Variants in DOCK8 observed in about 807,000 individuals in gnomAD.
The protein encoded by DOCK8 is dedicator of cytokinesis protein 8.
Under a neutral mutation model 245.6 loss-of-function variants are expected in DOCK8, and 141 were observed. That is an observed-to-expected ratio of 0.57 (90% CI 0.50 to 0.66). DOCK8 has a LOEUF of 0.66. Ranked by LOEUF, DOCK8 falls within the 30% of genes least tolerant of loss-of-function variation. The pLI is 0.00. For missense variants in DOCK8, 2,965 were observed against 2,603.4 expected, an observed-to-expected ratio of 1.14 and a Z score of -3.02; for synonymous variants, 1,168 against 970.2, an observed-to-expected ratio of 1.20 and a Z score of -3.79.
intron 38 of DOCK8, 21 bp downstream of exon 38, chr9:433,996 C>A: frequency 6.5e-7 from 1 of 1,546,266 alleles, no homozygotes; most frequent in Non-Finnish European, 8.9e-7. Flanking sequence ...CTGACACACT[C>A]AAGGGACACC....
At chr9:292,291 T>G (rs572144290) in intron 4 of DOCK8, among the ~76,000 whole-genome samples, 9 of 141,966 alleles carry the variant, frequency 6.3e-5, no homozygotes, top group African/African-American at 2.4e-4. Context: ...AATCACTTGA[T>G]CCTCTAAAAA....
intron 30 of DOCK8, 114 bp from the exon 31 acceptor site, chr9:420,287 A>T (rs2056220433): frequency 8.9e-7 from 1 of 1,120,208 alleles, no homozygotes; most frequent in Non-Finnish European, 1.3e-6. Flanking sequence ...ATGTACAGTC[A>T]TGGTATTTTA....
intron 1 of DOCK8, among the ~76,000 whole-genome samples, chr9:218,782 C>T (rs1019751344): frequency 3.9e-5 from 6 of 152,002 alleles, no homozygotes; most frequent in African/African-American, 1.5e-4. Context: ...AAACATTAAC[C>T]CTCTTGTGGA....
Position 274,601 on chromosome 9 carries a change from C to T in DOCK8, c.156+2872C>T, listed in dbSNP as rs1321964293. ...GTGGCTGTTCTTCCCCTTGAGTCATCGTCCCGAATGAAGGTTCCCCAAAAG... is the reference window on the plus strand; with the variant it reads ...GTGGCTGTTCTTCCCCTTGAGTCATTGTCCCGAATGAAGGTTCCCCAAAAG... On this transcript the variant is annotated intron_variant, in intron 2 of 47. Coordinates refer to ENST00000432829, the MANE Select transcript of DOCK8 (RefSeq NM_203447.4). Among the ~76,000 whole-genome samples the T allele has an allele frequency of 6.6e-5, 10 of 150,616 alleles. No homozygotes were observed. The East Asian group carries it at 1.6e-3, about 24-fold the overall frequency.
intron 42 of DOCK8, 135 bp downstream of exon 42, chr9:442,144 T>C: frequency 7.8e-7 from 1 of 1,287,884 alleles, no homozygotes; most frequent in Non-Finnish European, 1.1e-6. Context: ...CCCCTTTGCA[T>C]TTATAAAAGG....
In DOCK8 at chr9:418,087, C is replaced by T. The variant is rs1310822493; in HGVS notation, c.3720C>T (p.Tyr1240=). 2 of 1,614,086 alleles carry T rather than the reference C, an allele frequency of 1.2e-6. No individual in the cohort carries two copies. The highest frequency in any genetic ancestry group is 1.1e-5 in the South Asian group (1 of 91,090). The change falls in exon 30 of 48, where the codon TAC becomes TAT. Residue 1240 remains tyrosine (Y), a synonymous_variant. Coordinates refer to ENST00000432829, the MANE Select transcript of DOCK8 (RefSeq NM_203447.4). ...CDFTVADTRR[Y]RTSGSDEEQE... ...TTGCAGTTGCAGATACTCGCAGATA[C>T]CGCACCAGTGGCTCGGATGAAGAAC...
At chr9:328,287 C>G (rs985348555) in intron 9 of DOCK8, 116 bp downstream of exon 9, 4 of 1,322,362 alleles carry the variant, frequency 3.0e-6, no homozygotes, top group Non-Finnish European at 4.2e-6. Flanking sequence ...CTGAGATTCA[C>G]TTTGTTTCCT....
intron 25 of DOCK8, among the ~76,000 whole-genome samples, chr9:398,168 A>G (rs2054550550): frequency 6.6e-6 from 1 of 152,160 alleles, no homozygotes; most frequent in Admixed American, 6.5e-5. Flanking sequence ...AGGTTGATAA[A>G]TTTTCCAAAA....
rs762572860 is a variant in DOCK8, at chr9:432,201, C to G, written c.4662C>G (p.Ser1554=). 6 of 1,613,094 alleles carry G rather than the reference C, an allele frequency of 3.7e-6. No homozygotes were observed. In the East Asian group the frequency reaches 1.3e-4, roughly 36 times the overall value. ...FARVKMQVTM[S]LASLVGRAPD... is the part of the protein sequence containing the mutation. ...GAGTAAAGATGCAAGTAACCATGTC[C>G]CTGGCATCTTTGGTGGGAAGAGCAC... The change falls in exon 37 of 48, where the codon TCC becomes TCG. Residue 1554 remains serine (S), a synonymous_variant. Coordinates refer to ENST00000432829, the MANE Select transcript of DOCK8 (RefSeq NM_203447.4).
intron 14 of DOCK8, among the ~76,000 whole-genome samples, chr9:361,922 A>G (rs2052750292): frequency 6.6e-6 from 1 of 152,108 alleles, no homozygotes. Context: ...TATTTTCTGC[A>G]TTTTCACTCA....
chr9:346,641 T>C (rs2051903568), intron 14 of DOCK8, among the ~76,000 whole-genome samples: 2 of 152,140 alleles, frequency 1.3e-5, no homozygotes, highest in Non-Finnish European at 2.9e-5. Flanking sequence ...ATTTCTCTGA[T>C]GGATAATTAG....
At chr9:384,974 G>A (rs1042596260) in intron 22 of DOCK8, among the ~76,000 whole-genome samples, 2 of 152,106 alleles carry the variant, frequency 1.3e-5, no homozygotes, top group African/African-American at 4.8e-5. Context: ...CCCCTGAGAT[G>A]CTGATGATCT....
Position 463,574 on chromosome 9 carries a change from T to C in DOCK8, c.6126T>C (p.Tyr2042=), listed in dbSNP as rs1466387178. ...KRLITADQRE[Y]QQELKKNYNK... ...TCATCACGGCAGACCAGAGGGAATA[T>C]CAGCAGGAACTCAAAAAGAACTATA... Residue 2042 remains tyrosine, a synonymous_variant, in exon 47 of 48, where the codon TAT becomes TAC. Transcript: ENST00000432829. The C allele has an allele frequency of 6.2e-7, 1 of 1,614,116 alleles. No homozygotes were observed. Among genetic ancestry groups the C allele is most frequent in the Non-Finnish European group, 8.5e-7 (1 of 1,180,014 alleles).
At chr9:408,488 T>G (rs139923511) in intron 28 of DOCK8, among the ~76,000 whole-genome samples, 12 of 152,286 alleles carry the variant, frequency 7.9e-5, no homozygotes, top group African/African-American at 2.6e-4. Context: ...CTCCCAATTA[T>G]CTCAGTAGAA....
At chr9:306,721 G>A (rs992393149) in intron 5 of DOCK8, among the ~76,000 whole-genome samples, 1 of 152,174 alleles carries the variant, frequency 6.6e-6, no homozygotes. Context: ...GGTCTGGAGG[G>A]TGAACCTCAT....
intron 4 of DOCK8, among the ~76,000 whole-genome samples, chr9:299,304 A>G (rs2049417308): frequency 6.6e-6 from 1 of 152,224 alleles, no homozygotes; most frequent in African/African-American, 2.4e-5. Context: ...TTAAGAAACT[A>G]GCAGGTTTAT....
rs954874 is a variant in DOCK8, at chr9:383,896, C to G, written c.2778+1211C>G. 6.6e-3 allele frequency among the ~76,000 whole-genome samples: 1,010 copies of G among 152,220 alleles called. 12 individuals carry two copies. The highest frequency in any genetic ancestry group is 0.021 in the South Asian group (103 of 4,816). Reference sequence around the variant, plus strand: ...CGGAATTATATACTCTATACCCAGTCTCTCCTTTATTAACATTTTACATTC... The same window carrying G: ...CGGAATTATATACTCTATACCCAGTGTCTCCTTTATTAACATTTTACATTC... On this transcript the variant is annotated intron_variant, in intron 22 of 47. Transcript: ENST00000432829.
intron 4 of DOCK8, among the ~76,000 whole-genome samples, chr9:304,145 C>G (rs980475379): frequency 3.3e-5 from 5 of 152,188 alleles, no homozygotes; most frequent in African/African-American, 9.7e-5. Context: ...CATGTCCCGC[C>G]TGCTTTATTC....
chr9:388,185 G>A (rs2054033189), intron 23 of DOCK8, among the ~76,000 whole-genome samples: 1 of 152,138 alleles, frequency 6.6e-6, no homozygotes, highest in Non-Finnish European at 1.5e-5. Flanking sequence ...GAAGATCAAG[G>A]TGTAGTCCAG....
Sources: gnomAD v4.1 joint callset for allele counts (sites outside exome capture counted in the v4.1 genomes callset) on GRCh38, gnomAD v4.1.1 for gene constraint, MANE v1.5 for transcripts, NCBI Gene and HGNC (gene_info 2026-07-23, HGNC 2026-07-21) for gene names.